Variants in ASIC2 observed in about 807,000 individuals in gnomAD.
ASIC2 encodes acid sensing ion channel subunit 2.
Under a neutral mutation model 57.3 loss-of-function variants are expected in ASIC2, and 25 were observed. The observed-to-expected ratio is 0.44, with a 90% CI of 0.32 to 0.61. The LOEUF is 0.61. ASIC2 is among the 20% of genes least tolerant of loss of function. ASIC2 has a pLI of 0.06. For missense variants in ASIC2, 641 were observed against 738.1 expected (o/e 0.87, Z 1.52); for synonymous variants, 319 against 307.5 (o/e 1.04, Z -0.39).
chr17:34,095,606 TTTATATATATATATATATATATAA>T lies in ASIC2; in HGVS notation c.555+60348_555+60371del, dbSNP rs1184348034. Among the ~76,000 whole-genome samples the T allele has an allele frequency of 9.6e-3, 701 of 72,652 alleles. 9 individuals carry two copies. Among genetic ancestry groups the T allele is most frequent in the African/African-American group, 0.046 (671 of 14,506 alleles). The allele number at this position is 72,652 out of a possible 152,430, so 47.7% of individuals were successfully genotyped here. A position where few individuals can be genotyped will look rare whatever the true frequency, so the allele number is the denominator to read the frequency against. On this transcript the variant is annotated intron_variant, in intron 1 of 9. Transcript: ENST00000359872. Reference sequence around the variant, plus strand: ...AAGAGTTGGGGAGAAGCAGGCAAATTTTATATATATATATATATATATAATTTTATATATATATATATATATATA... The same window carrying T: ...AAGAGTTGGGGAGAAGCAGGCAAATTTTTTATATATATATATATATATATA...
chr17:33,446,851 T>C lies in ASIC2; in HGVS notation c.556-334784A>G, dbSNP rs145137021. Among the ~76,000 whole-genome samples the C allele has an allele frequency of 2.1e-3, 326 of 152,340 alleles. 1 individual carries two copies. Among genetic ancestry groups the C allele is most frequent in the African/African-American group, 7.4e-3 (306 of 41,576 alleles). On this transcript the variant is annotated intron_variant, in intron 1 of 9. Transcript: ENST00000359872. The stretch of plus-strand genomic sequence containing the variant: ...TTGGCGCTGCCTCTTAGTCGTGGCA[T>C]GGTCTTGAAGAATTCGCTTTACCTC...
chr17:34,039,861 T>A, intron 1 of ASIC2: 1 of 1,605,024 alleles, frequency 6.2e-7, no homozygotes, highest in Non-Finnish European at 8.5e-7. Context: ...GGCTATGCAA[T>A]TCTTCCATCA....
At chr17:33,487,143 A>AT (rs936189421) in intron 1 of ASIC2, among the ~76,000 whole-genome samples, 4 of 152,094 alleles carry the variant, frequency 2.6e-5, no homozygotes, top group African/African-American at 9.7e-5. Context: ...GTGAAGCAGA[A>AT]TTTTTTTTCT....
At chr17:33,631,097 T>C (rs1016374308) in intron 1 of ASIC2, among the ~76,000 whole-genome samples, 3 of 152,142 alleles carry the variant, frequency 2.0e-5, no homozygotes, top group African/African-American at 7.2e-5. Flanking sequence ...TTTCTGTGGA[T>C]GGGGCCCAAG....
intron 1 of ASIC2, among the ~76,000 whole-genome samples, chr17:33,217,524 A>G (rs1907541272): frequency 6.6e-6 from 1 of 152,160 alleles, no homozygotes; most frequent in Admixed American, 6.5e-5. Flanking sequence ...CCTCTTGAGT[A>G]CTTGCCCTTT....
intron 1 of ASIC2, among the ~76,000 whole-genome samples, chr17:33,871,446 A>T (rs193207829): frequency 6.6e-6 from 1 of 152,182 alleles, no homozygotes; most frequent in Non-Finnish European, 1.5e-5. Context: ...CTCCCTGCTC[A>T]TCTTCACTTT....
intron 1 of ASIC2, among the ~76,000 whole-genome samples, chr17:33,888,638 G>A (rs67059577): frequency 0.17 from 25,851 of 151,978 alleles, 2,317 homozygotes; most frequent in African/African-American, 0.24. Context: ...AGAACCCAGG[G>A]GCCAAAGGAG....
chr17:33,642,661 C>T (rs1906613719), intron 1 of ASIC2, among the ~76,000 whole-genome samples: 1 of 152,154 alleles, frequency 6.6e-6, no homozygotes, highest in African/African-American at 2.4e-5. Flanking sequence ...CCTTTGCTGT[C>T]CTTTCAGTTA....
At chr17:34,076,207 G>A (rs1359638805) in intron 1 of ASIC2, among the ~76,000 whole-genome samples, 1 of 151,984 alleles carries the variant, frequency 6.6e-6, no homozygotes, top group African/African-American at 2.4e-5. Context: ...GTTTCACCAT[G>A]TTGGCCAGGC....
chr17:33,019,354 G>C (rs992577039), intron 7 of ASIC2, among the ~76,000 whole-genome samples: 6 of 151,746 alleles, frequency 4.0e-5, no homozygotes, highest in African/African-American at 1.5e-4. Flanking sequence ...GTGTAGTGTG[G>C]GTGTGCTTGT....
intron 1 of ASIC2, among the ~76,000 whole-genome samples, chr17:33,630,758 A>C (rs760591126): frequency 5.9e-5 from 9 of 152,236 alleles, no homozygotes; most frequent in Non-Finnish European, 1.0e-4. Flanking sequence ...GGCAGTGTTC[A>C]GTCACACTGC....
chr17:33,049,303 C>A (rs1462920362), intron 3 of ASIC2, among the ~76,000 whole-genome samples: 1 of 152,148 alleles, frequency 6.6e-6, no homozygotes, highest in Non-Finnish European at 1.5e-5. Flanking sequence ...CAGTTTGGGG[C>A]TGGCTGTCTC....
intron 1 of ASIC2, among the ~76,000 whole-genome samples, chr17:33,708,296 C>T (rs566788990): frequency 6.6e-6 from 1 of 152,346 alleles, no homozygotes; most frequent in East Asian, 1.9e-4. Flanking sequence ...ACCTTATGGG[C>T]ATTTTATTTT....
intron 1 of ASIC2, among the ~76,000 whole-genome samples, chr17:33,384,751 C>T (rs1258285066): frequency 6.6e-6 from 1 of 152,214 alleles, no homozygotes; most frequent in Non-Finnish European, 1.5e-5. Context: ...TGCAAATAGA[C>T]TTAGCCCTCT....
chr17:33,436,902 G>T (rs1911640502), intron 1 of ASIC2, among the ~76,000 whole-genome samples: 2 of 113,228 alleles, frequency 1.8e-5, no homozygotes, highest in African/African-American at 3.4e-5. Context: ...GTCTCGCTCT[G>T]TCGCCCAGGC....
rs192453489 is a variant in ASIC2 at position 33,847,981 on chromosome 17, G to T, written c.555+307997C>A. ...AGGCACTTTGGGAAGTGAATGCATT[G>T]TCTCTACTTGACAGAAGATAGCCAA... On this transcript the variant is annotated intron_variant, in intron 1 of 9. Coordinates refer to the ASIC2 transcript ENST00000359872. 4.6e-5 allele frequency among the ~76,000 whole-genome samples: 7 copies of T among 152,256 alleles called. No homozygotes were observed. In the East Asian group the frequency reaches 1.4e-3, roughly 30 times the overall value.
At chr17:33,216,860 G>A (rs1381999103) in intron 1 of ASIC2, among the ~76,000 whole-genome samples, 1 of 152,190 alleles carries the variant, frequency 6.6e-6, no homozygotes, top group African/African-American at 2.4e-5. Flanking sequence ...TAGTGTGGGT[G>A]AGCATAGAGA....
chr17:33,969,238 A>G (rs780469357), intron 1 of ASIC2, among the ~76,000 whole-genome samples: 8 of 152,228 alleles, frequency 5.3e-5, no homozygotes, highest in Non-Finnish European at 1.0e-4. Context: ...GTGTATGTTT[A>G]TCTCAGAGCC....
chr17:33,834,975 C>T (rs17192775), intron 1 of ASIC2, among the ~76,000 whole-genome samples: 5,052 of 152,272 alleles, frequency 0.033, 92 homozygotes, highest in African/African-American at 0.04. Flanking sequence ...CTGTGTTTGG[C>T]GTGCTCATTC....
Sources: allele counts gnomAD v4.1 joint callset (sites outside exome capture counted in the v4.1 genomes callset), GRCh38; gene constraint gnomAD v4.1.1; transcripts MANE v1.5; gene names NCBI Gene and HGNC (gene_info 2026-07-23, HGNC 2026-07-21).